Variants in PTPRT observed in about 807,000 individuals in gnomAD.
The protein encoded by PTPRT is protein tyrosine phosphatase receptor type T, also known as receptor-type tyrosine-protein phosphatase T.
Under a neutral mutation model 176.8 loss-of-function variants are expected in PTPRT, and 56 were observed. The observed-to-expected ratio is 0.32, with a 90% CI of 0.26 to 0.40. The LOEUF (loss-of-function observed/expected upper bound fraction) is 0.40. Among genes scored for constraint, PTPRT ranks in the 10% least tolerant of loss-of-function variants. The pLI is 1.00. For synonymous variants in PTPRT, 783 were observed against 739.0 expected (o/e 1.06, Z -0.96); for missense variants, 1,540 against 1,908.2 (o/e 0.81, Z 3.60).
At chr20:42,178,646 A>G (rs1990391504) in intron 16 of PTPRT, among the ~76,000 whole-genome samples, 2 of 152,184 alleles carry the variant, frequency 1.3e-5, no homozygotes, top group Admixed American at 1.3e-4. Context: ...TGCAGCCTAG[A>G]TGTGTATCTC....
At chr20:42,838,284 T>C (rs1436589683) in intron 2 of PTPRT, among the ~76,000 whole-genome samples, 3 of 152,146 alleles carry the variant, frequency 2.0e-5, no homozygotes, top group Admixed American at 6.5e-5. Context: ...TCCCAAAGTG[T>C]TGGGATTACA....
At chr20:42,880,204 A>G (rs2145849541) in intron 2 of PTPRT, among the ~76,000 whole-genome samples, 1 of 152,234 alleles carries the variant, frequency 6.6e-6, no homozygotes, top group Non-Finnish European at 1.5e-5. Context: ...CTAGACCTAA[A>G]GGGAATGCAG....
intron 9 of PTPRT, among the ~76,000 whole-genome samples, chr20:42,421,121 T>C (rs1264558951): frequency 1.3e-5 from 2 of 152,134 alleles, no homozygotes; most frequent in East Asian, 1.9e-4. Context: ...GTAGATCCCA[T>C]ATAAACCCTC....
intron 7 of PTPRT, among the ~76,000 whole-genome samples, chr20:42,610,888 C>T (rs2073964261): frequency 1.3e-5 from 2 of 152,072 alleles, no homozygotes; most frequent in South Asian, 2.1e-4. Flanking sequence ...ATCTTCTTTC[C>T]GTGTCTATAG....
At chr20:42,840,210 C>G (rs2078253106) in intron 2 of PTPRT, among the ~76,000 whole-genome samples, 1 of 110,568 alleles carries the variant, frequency 9.0e-6, no homozygotes, top group African/African-American at 3.2e-5. Flanking sequence ...ACCCCCATCT[C>G]TGCCTGCGTT....
At chr20:42,663,382 G>A (rs769010781) in intron 7 of PTPRT, among the ~76,000 whole-genome samples, 2 of 152,110 alleles carry the variant, frequency 1.3e-5, no homozygotes, top group African/African-American at 2.4e-5. Context: ...TGGGCAGGAC[G>A]GCAATGCGAC....
intron 18 of PTPRT, among the ~76,000 whole-genome samples, chr20:42,136,050 A>C (rs1384172555): frequency 6.6e-6 from 1 of 152,052 alleles, no homozygotes; most frequent in Non-Finnish European, 1.5e-5. Context: ...TCTCAGAACA[A>C]ACCACAACTC....
At chr20:42,601,205 C>A (rs937292214) in intron 7 of PTPRT, among the ~76,000 whole-genome samples, 20 of 152,286 alleles carry the variant, frequency 1.3e-4, no homozygotes, top group African/African-American at 4.8e-4. Flanking sequence ...GTGCAAAAGA[C>A]CCCCTTTCAG....
intron 9 of PTPRT, among the ~76,000 whole-genome samples, chr20:42,410,558 A>C (rs6072731): frequency 0.017 from 2,573 of 152,254 alleles, 32 homozygotes; most frequent in Non-Finnish European, 0.026. Flanking sequence ...AATCTGAGCA[A>C]AACTTCAACC....
At chr20:42,235,923 G>T (rs1199750740) in intron 15 of PTPRT, among the ~76,000 whole-genome samples, 1 of 152,136 alleles carries the variant, frequency 6.6e-6, no homozygotes, top group East Asian at 1.9e-4. Context: ...GCAGGATTTG[G>T]TCCCCTGCTT....
chr20:42,048,610 GC>G, the PTPRT span, among the ~76,000 whole-genome samples: 1 of 151,198 alleles, frequency 6.6e-6, no homozygotes, highest in Admixed American at 6.6e-5. Context: ...CCTACTGACA[GC>G]CAGCATCAAC....
At chr20:42,744,001 T>G (rs1347954708) in intron 6 of PTPRT, among the ~76,000 whole-genome samples, 2 of 152,240 alleles carry the variant, frequency 1.3e-5, no homozygotes, top group Non-Finnish European at 2.9e-5. Flanking sequence ...GTCACTGGGT[T>G]GCCGGTAGGT....
Position 42,814,856 on chromosome 20 carries a change from G to A in PTPRT, c.215-23390C>T, listed in dbSNP as rs62203966. 2.0e-3 allele frequency among the ~76,000 whole-genome samples: 306 copies of A among 152,130 alleles called. No homozygotes were observed. The Middle Eastern group carries it at 0.02, about 10-fold the overall frequency. On this transcript the variant is annotated intron_variant, in intron 2 of 30. Transcript: ENST00000373187. ...TGAACACCAACATTAGTTTAAACAC[G>A]CAAGCTTGTGGGAAGAACCCAGAAG... is the stretch of plus-strand genomic sequence containing the variant.
chr20:42,110,521 G>T (rs752668449), intron 22 of PTPRT, 34 bp from the exon 23 acceptor site: 15 of 1,556,250 alleles, frequency 9.6e-6, no homozygotes, highest in Non-Finnish European at 1.3e-5. Flanking sequence ...TCTTCCAGCT[G>T]CTGCCCTCGC....
At chr20:42,222,716 C>G (rs924205917) in intron 15 of PTPRT, among the ~76,000 whole-genome samples, 31 of 152,370 alleles carry the variant, frequency 2.0e-4, no homozygotes, top group African/African-American at 6.5e-4. Flanking sequence ...CCCCAAACCC[C>G]ACCCTATGTG....
At chr20:42,035,088 C>T in the PTPRT span, among the ~76,000 whole-genome samples, 1 of 152,122 alleles carries the variant, frequency 6.6e-6, no homozygotes, top group Non-Finnish European at 1.5e-5. Flanking sequence ...AGTTCAAAAA[C>T]ATCTCTCAGG....
intron 1 of PTPRT, among the ~76,000 whole-genome samples, chr20:42,978,311 G>A (rs1169645458): frequency 6.6e-6 from 1 of 152,098 alleles, no homozygotes; most frequent in Non-Finnish European, 1.5e-5. Flanking sequence ...GTATCTTATT[G>A]TTCTGTACCC....
chr20:43,107,863 A>C (rs2012684960), intron 1 of PTPRT, among the ~76,000 whole-genome samples: 1 of 152,254 alleles, frequency 6.6e-6, no homozygotes. Context: ...ATATTTGCTT[A>C]GGTAATACCT....
chr20:42,211,463 A>G (rs989047671), intron 15 of PTPRT, among the ~76,000 whole-genome samples: 1 of 151,288 alleles, frequency 6.6e-6, no homozygotes, highest in Non-Finnish European at 1.5e-5. Flanking sequence ...AAAAACAAAC[A>G]ACCCCGTCAA....
Sources: allele counts gnomAD v4.1 joint callset (sites outside exome capture counted in the v4.1 genomes callset), GRCh38; gene constraint gnomAD v4.1.1; transcripts MANE v1.5; gene names NCBI Gene and HGNC (gene_info 2026-07-23, HGNC 2026-07-21).